The following USP24 variants were observed in gnomAD, a reference collection of about 807,000 sequenced individuals.
The protein encoded by USP24 is ubiquitin specific peptidase 24.
USP24 carries 97 observed loss-of-function variants against 361.6 expected under a neutral mutation model. The ratio of observed to expected loss-of-function variants is 0.27; its 90% CI spans 0.23 to 0.32. USP24 has a LOEUF of 0.32. Among genes scored for constraint, USP24 ranks in the 10% least tolerant of loss-of-function variants. USP24 has a pLI of 1.00. For missense variants in USP24, 2,353 were observed against 3,165.6 expected, an observed-to-expected ratio of 0.74 and a Z score of 6.16; for synonymous variants, 1,098 against 1,124.6, an observed-to-expected ratio of 0.98 and a Z score of 0.47.
At chr1:55,074,352 G>A (rs1373732291) in intron 63 of USP24, among the ~76,000 whole-genome samples, 1 of 152,156 alleles carries the variant, frequency 6.6e-6, no homozygotes, top group Non-Finnish European at 1.5e-5. Context: ...AACATAAATA[G>A]GCCGGGCATG....
chr1:55,185,024 C>T (rs1488137019), intron 1 of USP24, among the ~76,000 whole-genome samples: 2 of 151,818 alleles, frequency 1.3e-5, no homozygotes, highest in Non-Finnish European at 2.9e-5. Flanking sequence ...GTGGCACAAT[C>T]ACAGCCCACT....
intron 45 of USP24, 38 bp downstream of exon 45, chr1:55,099,733 G>A (rs1645584313): frequency 7.1e-7 from 1 of 1,416,588 alleles, no homozygotes; most frequent in Non-Finnish European, 9.7e-7. Context: ...TATAATTAGA[G>A]TTTGAGGGAG....
At chr1:55,161,469 G>A (rs768374830) in intron 8 of USP24, among the ~76,000 whole-genome samples, 24 of 151,748 alleles carry the variant, frequency 1.6e-4, no homozygotes, top group Non-Finnish European at 2.5e-4. Flanking sequence ...ATGGCCCTAA[G>A]TAAATGTGAT....
At position 55,066,573 on chromosome 1, in the gene USP24, G is replaced by C. The variant is rs1644828514; in HGVS notation, c.*2472C>G. On this transcript the variant is annotated 3_prime_UTR_variant, in exon 68 of 68. Transcript: ENST00000294383. ...ACACACCTCGATGTTAGCAGGGAAG[G>C]TGGGGCAGGACAGGGTAAGTCTGAT... is the stretch of plus-strand genomic sequence containing the variant. 1 of 152,178 alleles carries C rather than the reference G, an allele frequency of 6.6e-6. No homozygotes were observed. The highest frequency in any genetic ancestry group is 1.5e-5 in the Non-Finnish European group (1 of 68,056). The allele number at this position is 152,178 out of a possible 1,614,324, so 9.4% of individuals were successfully genotyped here. A position where few individuals can be genotyped will look rare whatever the true frequency, so the allele number is the denominator to read the frequency against.
chr1:55,071,158 A>G (rs1570326203), intron 67 of USP24: 1 of 985,494 alleles, frequency 1.0e-6, no homozygotes, highest in Non-Finnish European at 1.2e-6. Flanking sequence ...AGTAACATTC[A>G]TTTAATGGGG....
At chr1:55,175,689 T>C (rs1355523994) in intron 3 of USP24, among the ~76,000 whole-genome samples, 1 of 152,202 alleles carries the variant, frequency 6.6e-6, no homozygotes, top group Non-Finnish European at 1.5e-5. Context: ...CACTTAGTTA[T>C]ATGCTGGGGG....
intron 61 of USP24, 100 bp from the exon 62 acceptor site, chr1:55,077,400 C>A (rs1281674077): frequency 3.7e-5 from 38 of 1,040,122 alleles, no homozygotes; most frequent in Non-Finnish European, 4.6e-5. Flanking sequence ...ACCTTCTGGC[C>A]GACCCTGGAC....
chr1:55,093,933 T>C lies in USP24; in HGVS notation c.6354+4A>G. On this transcript the variant is annotated splice_donor_region_variant and intron_variant, in intron 52 of 67. Coordinates refer to ENST00000294383, the MANE Select transcript of USP24 (RefSeq NM_015306.3). ...CCCCTTAGAATTTTTTATATGGTTC[T>C]TACCTGGTATATTCGAGCAGGCATT... 6 of 1,613,696 alleles carry C rather than the reference T, an allele frequency of 3.7e-6. No individual in the cohort carries two copies. The highest frequency in any genetic ancestry group is 4.2e-6 in the Non-Finnish European group (5 of 1,179,816).
At chr1:55,162,390 A>C in intron 7 of USP24, 126 bp from the exon 8 acceptor site, 1 of 660,424 alleles carries the variant, frequency 1.5e-6, no homozygotes. Flanking sequence ...CATGAATAGA[A>C]GACTAGAGAA....
chr1:55,088,573 G>A (rs772585500), intron 55 of USP24, among the ~76,000 whole-genome samples: 1 of 152,174 alleles, frequency 6.6e-6, no homozygotes, highest in African/African-American at 2.4e-5. Flanking sequence ...TCTGGCAGGC[G>A]TGTGGCATCT....
intron 23 of USP24, 110 bp from the exon 24 acceptor site, chr1:55,141,841 G>T: frequency 1.1e-6 from 1 of 951,926 alleles, no homozygotes; most frequent in Non-Finnish European, 1.6e-6. Flanking sequence ...GGCATTCACT[G>T]TAGGATGTTT....
intron 13 of USP24, 75 bp from the exon 14 acceptor site, chr1:55,154,541 T>A: frequency 6.7e-7 from 1 of 1,497,288 alleles, no homozygotes; most frequent in Non-Finnish European, 9.1e-7. Context: ...AAACTTGAGC[T>A]AAAAACATTA....
chr1:55,178,229 T>C, intron 1 of USP24, 97 bp from the exon 2 acceptor site: 1 of 1,228,350 alleles, frequency 8.1e-7, no homozygotes, highest in Non-Finnish European at 1.1e-6. Context: ...GAATCAATGG[T>C]AGCTATTAAT....
chr1:55,110,062 A>T, intron 39 of USP24, 123 bp downstream of exon 39: 3 of 791,578 alleles, frequency 3.8e-6, no homozygotes, highest in Non-Finnish European at 5.6e-6. Context: ...ACAAGGTTCA[A>T]CTTCAAACAA....
intron 31 of USP24, among the ~76,000 whole-genome samples, chr1:55,131,042 C>A (rs925030734): frequency 6.6e-6 from 1 of 152,128 alleles, no homozygotes; most frequent in Non-Finnish European, 1.5e-5. Context: ...ACAAGCTAGA[C>A]CCATTGTTGG....
intron 38 of USP24, among the ~76,000 whole-genome samples, chr1:55,114,401 T>C (rs980537239): frequency 6.6e-6 from 1 of 152,218 alleles, no homozygotes; most frequent in Admixed American, 6.5e-5. Context: ...ACTTTAAATT[T>C]CATATGGAAC....
At chr1:55,079,493 T>C (rs1445375970) in intron 60 of USP24, 45 bp downstream of exon 60, 15 of 1,553,072 alleles carry the variant, frequency 9.7e-6, no homozygotes, top group South Asian at 1.3e-5. Context: ...GCAATTTTCC[T>C]CAAACAGGAG....
At chr1:55,193,910 G>A (rs1304621422) in intron 1 of USP24, among the ~76,000 whole-genome samples, 1 of 152,070 alleles carries the variant, frequency 6.6e-6, no homozygotes, top group Non-Finnish European at 1.5e-5. Flanking sequence ...CGTTCAGACT[G>A]AAATAAAAAT....
intron 60 of USP24, among the ~76,000 whole-genome samples, chr1:55,079,239 G>A (rs1191032963): frequency 6.6e-6 from 1 of 152,140 alleles, no homozygotes; most frequent in African/African-American, 2.4e-5. Context: ...ACACAAAAGA[G>A]ATTGGGGATG....
Sources: gnomAD v4.1 joint callset for allele counts (sites outside exome capture counted in the v4.1 genomes callset) on GRCh38, gnomAD v4.1.1 for gene constraint, MANE v1.5 for transcripts, NCBI Gene and HGNC (gene_info 2026-07-23, HGNC 2026-07-21) for gene names.